UPF2: variants seen among roughly 807,000 people sequenced by gnomAD.
UPF2 encodes the protein regulator of nonsense transcripts 2.
In UPF2, 17 loss-of-function variants were observed where a neutral mutation model predicts 141.4. The ratio of observed to expected loss-of-function variants is 0.12; its 90% CI spans 0.08 to 0.18. UPF2 has a LOEUF of 0.18. UPF2 is among the 10% of genes least tolerant of loss of function. UPF2 has a pLI of 1.00. For missense variants in UPF2, 1,152 were observed against 1,515.9 expected (o/e 0.76, Z 3.99); for synonymous variants, 540 against 498.0 (o/e 1.08, Z -1.12).
chr10:11,995,392 CTT>C (rs1833849605), intron 8 of UPF2, among the ~76,000 whole-genome samples: 1 of 152,188 alleles, frequency 6.6e-6, no homozygotes, highest in South Asian at 2.1e-4. Context: ...ATTTTATCAC[CTT>C]TCACATGACA....
At chr10:11,991,832 T>TATTAG (rs1351648000) in intron 8 of UPF2, among the ~76,000 whole-genome samples, 15 of 152,278 alleles carry the variant, frequency 9.9e-5, no homozygotes, top group African/African-American at 3.4e-4. Flanking sequence ...CCAAGAACAC[T>TATTAG]TTTTGAGAAA....
intron 19 of UPF2, among the ~76,000 whole-genome samples, chr10:11,934,156 TGAAATAGTAAAGTCTGGTTCAGA>T (rs1174447253): frequency 6.6e-6 from 1 of 152,190 alleles, no homozygotes; most frequent in East Asian, 1.9e-4. Flanking sequence ...ACGTGATAAC[TGAAATAGTAAAGTCTGGTTCAGA>T]GAATTAAATA....
chr10:11,993,047 G>A (rs1833805775), intron 8 of UPF2, among the ~76,000 whole-genome samples: 1 of 151,274 alleles, frequency 6.6e-6, no homozygotes, highest in African/African-American at 2.4e-5. Flanking sequence ...TTACATGTGA[G>A]GCTTAGGTGG....
In UPF2 at chr10:12,014,562, A is replaced by G. The variant is rs1243211741; in HGVS notation, c.1146-378T>C. ...TTCAAAAGAAACAGGTTATACAAAGAATCAATTATTCTTAAACCTCCATGA... is the reference window on the plus strand; with the variant it reads ...TTCAAAAGAAACAGGTTATACAAAGGATCAATTATTCTTAAACCTCCATGA... On this transcript the variant is annotated intron_variant, in intron 3 of 21. Coordinates refer to ENST00000357604, the MANE Select transcript of UPF2 (RefSeq NM_015542.4). This position sits in a 1 kb window ranked among gnomAD's most constrained non-coding sequence, Gnocchi z 5.0. Among the ~76,000 whole-genome samples the G allele has an allele frequency of 6.6e-6, 1 of 152,228 alleles. No homozygotes were observed. Among genetic ancestry groups the G allele is most frequent in the African/African-American group, 2.4e-5 (1 of 41,462 alleles).
At chr10:12,018,923 A>G (rs1054404172) in intron 3 of UPF2, among the ~76,000 whole-genome samples, 2 of 152,220 alleles carry the variant, frequency 1.3e-5, no homozygotes, top group Admixed American at 6.5e-5. Context: ...TGAGGGAACT[A>G]AATATTACAC....
chr10:11,985,411 G>C (rs1833671214), intron 8 of UPF2, among the ~76,000 whole-genome samples: 1 of 152,118 alleles, frequency 6.6e-6, no homozygotes, highest in African/African-American at 2.4e-5. Flanking sequence ...GCAGAGGCTG[G>C]CGGATCACGA....
chr10:11,976,139 T>C (rs1411150493), intron 9 of UPF2, among the ~76,000 whole-genome samples: 2 of 152,236 alleles, frequency 1.3e-5, no homozygotes, highest in Non-Finnish European at 2.9e-5. Flanking sequence ...AGCAAACCCA[T>C]TGTTTCAACT....
intron 17 of UPF2, 41 bp from the exon 18 acceptor site, chr10:11,942,804 A>ACGGAGTCTCGCT: frequency 6.3e-7 from 1 of 1,583,128 alleles, no homozygotes; most frequent in East Asian, 2.2e-5. Context: ...AGAAATTTTA[A>ACGGAGTCTCGCT]CTGTAATGTT....
In UPF2 at chr10:12,035,317, C is replaced by A; in HGVS notation, c.107G>T (p.Arg36Met). Reference protein sequence around the residue: ...SERRTVSSKERPKDDIKLTAK... With the variant: ...SERRTVSSKEMPKDDIKLTAK... ...AGTGAGCTTGATATCGTCTTTTGGC[C>A]TCTCCTTGCTGCTCACTGTCCGCCT... The change falls in exon 2 of 22, where the codon AGG (arginine) becomes ATG (methionine). Residue 36 changes from arginine (R) to methionine (M), a missense_variant. Physicochemically the swap from Arg to Met is moderately conservative, Grantham distance 91 (BLOSUM62 -1). This residue lies in a region of UPF2 where 145 missense variants were observed against 136.5 expected (regional missense o/e 1.06). Transcript: ENST00000357604. 4 of 1,613,944 alleles carry A rather than the reference C, an allele frequency of 2.5e-6. No individual in the cohort carries two copies. The highest frequency in any genetic ancestry group is 3.4e-6 in the Non-Finnish European group (4 of 1,179,994).
At chr10:11,986,497 A>C (rs76656064) in intron 8 of UPF2, among the ~76,000 whole-genome samples, 7,947 of 152,252 alleles carry the variant, frequency 0.052, 283 homozygotes, top group Non-Finnish European at 0.08. Flanking sequence ...GGCTTTCTAA[A>C]AGAAATGTCT....
intron 6 of UPF2, among the ~76,000 whole-genome samples, chr10:12,001,291 G>GT (rs1833948443): frequency 6.6e-6 from 1 of 152,008 alleles, no homozygotes; most frequent in Non-Finnish European, 1.5e-5. Flanking sequence ...GCAGGCAGCT[G>GT]TAATCCCAGC....
At chr10:11,964,729 TTA>T (rs1366036006) in intron 10 of UPF2, among the ~76,000 whole-genome samples, 6 of 152,220 alleles carry the variant, frequency 3.9e-5, no homozygotes, top group Admixed American at 3.9e-4. Context: ...AGATTAAAAC[TTA>T]CTTGATTCTT....
Position 12,041,105 on chromosome 10 carries a change from T to G in UPF2, c.-19+1650A>C, listed in dbSNP as rs556945152. The stretch of plus-strand genomic sequence containing the variant: ...ACCGTGATTCACCTCAATACACGTT[T>G]GTTTTATGTCGACTTAAAAAACTGA... On this transcript the variant is annotated intron_variant, in intron 1 of 21. Coordinates refer to ENST00000357604, the MANE Select transcript of UPF2 (RefSeq NM_015542.4). 4.6e-5 allele frequency among the ~76,000 whole-genome samples: 7 copies of G among 152,336 alleles called. No homozygotes were observed. The East Asian group carries it at 1.3e-3, about 29-fold the overall frequency.
At chr10:12,024,949 A>AAAC (rs1834391487) in intron 3 of UPF2, among the ~76,000 whole-genome samples, 1 of 149,910 alleles carries the variant, frequency 6.7e-6, no homozygotes, top group Non-Finnish European at 1.5e-5. Context: ...AAAAAAAAAA[A>AAAC]AAAAAAAACA....
At chr10:11,963,867 T>C (rs953846955) in intron 11 of UPF2, 142 bp downstream of exon 11, 16 of 583,818 alleles carry the variant, frequency 2.7e-5, no homozygotes, top group Middle Eastern at 5.6e-4. Context: ...GCAACTCATA[T>C]GTATGGGATG....
intron 9 of UPF2, among the ~76,000 whole-genome samples, chr10:11,976,647 T>C (rs565684161): frequency 6.6e-6 from 1 of 152,014 alleles, no homozygotes; most frequent in African/African-American, 2.4e-5. Flanking sequence ...TGTTGAGAAA[T>C]AGATGTGAAT....
chr10:12,038,797 T>C (rs1834682112), intron 1 of UPF2, among the ~76,000 whole-genome samples: 2 of 152,014 alleles, frequency 1.3e-5, no homozygotes, highest in Admixed American at 6.6e-5. Flanking sequence ...AACATTAGCA[T>C]TTATATTATC....
intron 4 of UPF2, among the ~76,000 whole-genome samples, chr10:12,006,879 G>A (rs911729554): frequency 5.3e-5 from 8 of 152,082 alleles, no homozygotes; most frequent in Admixed American, 5.2e-4. Context: ...TCTCTGGATG[G>A]TCTCTACGAT....
intron 4 of UPF2, among the ~76,000 whole-genome samples, chr10:12,012,130 C>G (rs10906047): frequency 6.7e-6 from 1 of 149,600 alleles, no homozygotes; most frequent in African/African-American, 2.5e-5. Flanking sequence ...TGGCGCGAGC[C>G]TGGCTCTCTG....
Sources: gnomAD v4.1 joint callset for allele counts (sites outside exome capture counted in the v4.1 genomes callset) on GRCh38, gnomAD v4.1.1 for gene constraint, gnomAD v4.1.1 regional missense constraint, Gnocchi (gnomAD v3.1) non-coding constraint, MANE v1.5 for transcripts, NCBI Gene and HGNC (gene_info 2026-07-23, HGNC 2026-07-21) for gene names.